The following ZNF527 variants were observed in gnomAD, a reference collection of about 807,000 sequenced individuals.
ZNF527 encodes zinc finger protein 527.
Under a neutral mutation model 13.5 loss-of-function variants are expected in ZNF527, and 5 were observed. That is an observed-to-expected ratio of 0.37 (90% CI 0.19 to 0.78). The LOEUF is 0.78. Ranked by LOEUF, ZNF527 falls within the 30% of genes least tolerant of loss-of-function variation. ZNF527 has a pLI of 0.48. For synonymous variants in ZNF527, 209 were observed against 243.1 expected (o/e 0.86, Z 1.30); for missense variants, 628 against 726.4 (o/e 0.86, Z 1.56).
intron 4 of ZNF527, among the ~76,000 whole-genome samples, chr19:37,381,991 T>C (rs1397472725): frequency 1.3e-5 from 2 of 152,242 alleles, no homozygotes; most frequent in Non-Finnish European, 2.9e-5. Flanking sequence ...TGAATCATTA[T>C]GTTTCTCAAA....
chr19:37,389,188 A>G lies in ZNF527; in HGVS notation c.1139A>G (p.His380Arg). 1 of 1,614,218 alleles carries G rather than the reference A, an allele frequency of 6.2e-7. No individual in the cohort carries two copies. The change falls in exon 5 of 5, where the codon CAC becomes CGC. Residue 380 changes from histidine (H) to arginine (R), a missense_variant. His to Arg is a conservative substitution (Grantham distance 29). This residue lies in a region of ZNF527 where 592 missense variants were observed against 678.0 expected (regional missense o/e 0.87). Coordinates refer to ENST00000436120, the MANE Select transcript of ZNF527 (RefSeq NM_032453.2). ...YAFLVEHQRIHTGEKPYECKE... is the reference protein window; with the variant it reads ...YAFLVEHQRIRTGEKPYECKE... ...TTCCTTGTTGAACATCAGAGAATTC[A>G]CACAGGTGAGAAACCATATGAATGT...
rs1314080217 is a variant in ZNF527, at chr19:37,390,010, T to G, written c.*131T>G. The G allele has an allele frequency of 2.5e-6, 3 of 1,190,206 alleles. No individual in the cohort carries two copies. The highest frequency in any genetic ancestry group is 3.5e-6 in the Non-Finnish European group (3 of 865,560). 73.7% of individuals were successfully genotyped at this position (1,190,206 alleles called of 1,614,324 possible). A position where few individuals can be genotyped will look rare whatever the true frequency, so the allele number is the denominator to read the frequency against. Reference sequence around the variant, plus strand: ...GTTCATGAGTATCCGTTATTTGAAGTAGCTCAGTAGTAGACATCTGTTACT... The same window carrying G: ...GTTCATGAGTATCCGTTATTTGAAGGAGCTCAGTAGTAGACATCTGTTACT... On this transcript the variant is annotated 3_prime_UTR_variant, in exon 5 of 5. Coordinates refer to ENST00000436120, the MANE Select transcript of ZNF527 (RefSeq NM_032453.2).
chr19:37,372,491 GA>G (rs2040567502), intron 1 of ZNF527, among the ~76,000 whole-genome samples: 1 of 12,168 alleles, frequency 8.2e-5, no homozygotes, highest in African/African-American at 2.9e-4. Flanking sequence ...TTTTTTTTTT[GA>G]GACAGAGTCT....
chr19:37,388,417 G>T lies in ZNF527; in HGVS notation c.368G>T (p.Cys123Phe). 1 of 1,614,128 alleles carries T rather than the reference G, an allele frequency of 6.2e-7. No individual in the cohort carries two copies. Among genetic ancestry groups the T allele is most frequent in the Non-Finnish European group, 8.5e-7 (1 of 1,180,026 alleles). ...AGGCTAGCAAGTCATGGCCTTGAAT[G>T]CTCCAGTTTCAGAGAAGCCTGGAAA... ...MERLASHGLE[C>F]SSFREAWKYK... Residue 123 changes from cysteine to phenylalanine, a missense_variant, in exon 5 of 5, where the codon TGC becomes TTC. Transcript: ENST00000436120.
At position 37,388,353 on chromosome 19, in the gene ZNF527, A is replaced by C; in HGVS notation, c.304A>C (p.Ile102Leu). ...EIEELSPKWF[I>L]DEDEISQEMV... ...TGAGGAATTATCTCCAAAATGGTTC[A>C]TTGATGAAGATGAAATATCCCAGGA... Residue 102 changes from isoleucine to leucine, a missense_variant, in exon 5 of 5, where the codon ATT becomes CTT. By Grantham distance (5) the Ile-to-Leu change is conservative. This residue lies in a region of ZNF527 where 592 missense variants were observed against 678.0 expected (regional missense o/e 0.87). Transcript: ENST00000436120. The C allele has an allele frequency of 6.2e-7, 1 of 1,614,092 alleles. No homozygotes were observed. The highest frequency in any genetic ancestry group is 8.5e-7 in the Non-Finnish European group (1 of 1,179,962).
At chr19:37,378,988 A>C in intron 2 of ZNF527, 132 bp from the exon 3 acceptor site, 1 of 940,492 alleles carries the variant, frequency 1.1e-6, no homozygotes, top group Non-Finnish European at 1.6e-6. Context: ...GACAAACCTC[A>C]GCATGTAATT....
At position 37,388,720 on chromosome 19, in the gene ZNF527, G is replaced by A. The variant is rs2040721680; in HGVS notation, c.671G>A (p.Cys224Tyr). Residue 224 changes from cysteine to tyrosine, a missense_variant, in exon 5 of 5, where the codon TGT becomes TAT. Cys to Tyr is a radical substitution (Grantham distance 194). This residue lies in a region of ZNF527 where 592 missense variants were observed against 678.0 expected (regional missense o/e 0.87). Transcript: ENST00000436120. ...AEKESLIGNE[C>Y]EEFNQSTYLS... ...AAGGAATCTTTGATAGGTAATGAAT[G>A]TGAAGAATTCAACCAGAGTACGTAC... is the stretch of plus-strand genomic sequence containing the variant. 1 of 1,612,152 alleles carries A rather than the reference G, an allele frequency of 6.2e-7. No individual in the cohort carries two copies. Among genetic ancestry groups the A allele is most frequent in the Non-Finnish European group, 8.5e-7 (1 of 1,179,488 alleles).
chr19:37,387,237 G>A (rs2040707609), intron 4 of ZNF527, among the ~76,000 whole-genome samples: 1 of 152,150 alleles, frequency 6.6e-6, no homozygotes, highest in African/African-American at 2.4e-5. Flanking sequence ...ACATGAAAAT[G>A]TCTCTGTCAC....
At chr19:37,381,860 T>C (rs2040656522) in intron 4 of ZNF527, among the ~76,000 whole-genome samples, 3 of 152,306 alleles carry the variant, frequency 2.0e-5, no homozygotes, top group South Asian at 4.1e-4. Flanking sequence ...TTCAATTATA[T>C]TTATGGATTT....
At position 37,389,533 on chromosome 19, in the gene ZNF527, A is replaced by G; in HGVS notation, c.1484A>G (p.Glu495Gly). The G allele has an allele frequency of 6.2e-7, 1 of 1,614,212 alleles. No homozygotes were observed. The highest frequency in any genetic ancestry group is 8.5e-7 in the Non-Finnish European group (1 of 1,180,042). ...CGACATCATAGAATTCACACTGGAG[A>G]GAGACCATTTGAATGCAGTAAATGT... ...LNRHHRIHTG[E>G]RPFECSKCGK... Residue 495 changes from glutamate to glycine, a missense_variant, in exon 5 of 5, where the codon GAG (glutamate) becomes GGG (glycine). By Grantham distance (98) the Glu-to-Gly change is moderately conservative. Coordinates refer to ENST00000436120, the MANE Select transcript of ZNF527 (RefSeq NM_032453.2).
At position 37,389,272 on chromosome 19, in the gene ZNF527, A is replaced by C; in HGVS notation, c.1223A>C (p.His408Pro). ...CACCTTAATCAACATCAGAGGATTCACACTGGAGAGAAACCCTATGAATGT... is the reference window on the plus strand; with the variant it reads ...CACCTTAATCAACATCAGAGGATTCCCACTGGAGAGAAACCCTATGAATGT... ...SAHLNQHQRI[H>P]TGEKPYECNQ... is the part of the protein sequence containing the mutation. The change falls in exon 5 of 5, where the codon CAC becomes CCC. Residue 408 changes from histidine to proline, a missense_variant. This residue lies in a region of ZNF527 where 592 missense variants were observed against 678.0 expected (regional missense o/e 0.87). Transcript: ENST00000436120. The C allele has an allele frequency of 6.2e-7, 1 of 1,614,228 alleles. No homozygotes were observed. Among genetic ancestry groups the C allele is most frequent in the Non-Finnish European group, 8.5e-7 (1 of 1,180,044 alleles).
In ZNF527 at chr19:37,389,596, A is replaced by G. The variant is rs367965937; in HGVS notation, c.1547A>G (p.His516Arg). Residue 516 changes from histidine to arginine, a missense_variant, in exon 5 of 5, where the codon CAT (histidine) becomes CGT (arginine). His to Arg is a conservative substitution (Grantham distance 29). Coordinates refer to ENST00000436120, the MANE Select transcript of ZNF527 (RefSeq NM_032453.2). ...AFSDALVLIH[H>R]KRSHAGEKPY... ...AGTGATGCTTTAGTTCTAATTCACC[A>G]TAAGAGAAGTCATGCAGGAGAGAAA... 209 of 1,614,226 alleles carry G rather than the reference A, an allele frequency of 1.3e-4. 2 individuals carry two copies. In the South Asian group the frequency reaches 1.9e-3, roughly 15 times the overall value.
Position 37,388,539 on chromosome 19 carries a change from G to A in ZNF527, c.490G>A (p.Glu164Lys), listed in dbSNP as rs373875745. 1.2e-6 allele frequency: 2 copies of A among 1,614,110 alleles called. No homozygotes were observed. Among genetic ancestry groups the A allele is most frequent in the Admixed American group, 1.7e-5 (1 of 60,028 alleles). ...KEISTGKRDN[E>K]FSNSGRSIPL... ...AATCTCTACTGGGAAAAGAGACAAT[G>A]AATTTAGTAATTCTGGGAGAAGCAT... Residue 164 changes from glutamate (E) to lysine (K), a missense_variant, in exon 5 of 5, where the codon GAA becomes AAA. By Grantham distance (56) the Glu-to-Lys change is moderately conservative. Transcript: ENST00000436120.
rs1343741351 is a variant in ZNF527, at chr19:37,371,577, G to C, written c.-42+351G>C. ...GTGTTTGTGTAAATGCATGTGTGTG[G>C]TTATGTGACCACCTGTTTCTGCGGA... On this transcript the variant is annotated intron_variant, in intron 1 of 4. Transcript: ENST00000436120. 2.6e-5 allele frequency among the ~76,000 whole-genome samples: 4 copies of C among 152,152 alleles called. No individual in the cohort carries two copies. The East Asian group carries it at 5.8e-4, about 22-fold the overall frequency.
At chr19:37,387,735 A>G (rs1478470848) in intron 4 of ZNF527, among the ~76,000 whole-genome samples, 1 of 152,250 alleles carries the variant, frequency 6.6e-6, no homozygotes, top group African/African-American at 2.4e-5. Flanking sequence ...GAAAAAATAT[A>G]TATAAATTTT....
intron 4 of ZNF527, among the ~76,000 whole-genome samples, chr19:37,386,114 G>A (rs1457676871): frequency 8.9e-6 from 1 of 112,570 alleles, no homozygotes; most frequent in Non-Finnish European, 1.8e-5. Context: ...GTTCTGTGTA[G>A]TAGAACTTTC....
chr19:37,374,327 C>G (rs192867217), intron 2 of ZNF527, 96 bp downstream of exon 2: 17 of 1,070,198 alleles, frequency 1.6e-5, no homozygotes, highest in Non-Finnish European at 2.3e-5. Context: ...AATGAGCACC[C>G]CTTCCACTTC....
At chr19:37,379,327 C>T in intron 3 of ZNF527, 81 bp downstream of exon 3, 4 of 1,369,950 alleles carry the variant, frequency 2.9e-6, no homozygotes, top group South Asian at 1.9e-5. Context: ...TCTAGGACAT[C>T]TTAAGACATC....
At chr19:37,383,446 G>C (rs2146816516) in intron 4 of ZNF527, among the ~76,000 whole-genome samples, 1 of 152,122 alleles carries the variant, frequency 6.6e-6, no homozygotes, top group South Asian at 2.1e-4. Context: ...ATGTTGGCCA[G>C]GTTGATCTCA....
Sources: gnomAD v4.1 joint callset for allele counts (sites outside exome capture counted in the v4.1 genomes callset) on GRCh38, gnomAD v4.1.1 for gene constraint, gnomAD v4.1.1 regional missense constraint, MANE v1.5 for transcripts, NCBI Gene and HGNC (gene_info 2026-07-23, HGNC 2026-07-21) for gene names.